The following MACROD2 variants were observed in gnomAD, a reference collection of about 807,000 sequenced individuals.
The protein encoded by MACROD2 is mono-ADP ribosylhydrolase 2.
MACROD2 carries 36 observed loss-of-function variants against 70.4 expected under a neutral mutation model. The observed-to-expected ratio is 0.51, with a 90% confidence interval of 0.39 to 0.68. The LOEUF (loss-of-function observed/expected upper bound fraction) is 0.68, where lower values mean the gene tolerates loss of function less well. MACROD2 is among the 30% of genes least tolerant of loss of function. MACROD2 has a pLI of 0.00. For missense variants in MACROD2, 496 were observed against 538.4 expected (o/e 0.92, Z 0.78); for synonymous variants, 172 against 178.8 (o/e 0.96, Z 0.30).
chr20:14,717,046 G>A (rs1380933875), intron 5 of MACROD2, among the ~76,000 whole-genome samples: 2 of 151,956 alleles, frequency 1.3e-5, no homozygotes, highest in African/African-American at 2.4e-5. Flanking sequence ...AAATTTGGGG[G>A]TATTGAACCT....
chr20:15,001,294 A>G (rs1010784800), intron 5 of MACROD2, among the ~76,000 whole-genome samples: 1 of 152,236 alleles, frequency 6.6e-6, no homozygotes, highest in African/African-American at 2.4e-5. Flanking sequence ...TCAACACTCA[A>G]TTACGCAGGG....
At chr20:14,681,937 G>C (rs1302234869) in intron 4 of MACROD2, among the ~76,000 whole-genome samples, 1 of 152,078 alleles carries the variant, frequency 6.6e-6, no homozygotes, top group African/African-American at 2.4e-5. Context: ...TAAGATCCTA[G>C]GAAATGGAGA....
chr20:15,778,702 A>G lies in MACROD2; in HGVS notation c.646-84043A>G, dbSNP rs2051775412. 2.0e-5 allele frequency among the ~76,000 whole-genome samples: 3 copies of G among 152,062 alleles called. No individual in the cohort carries two copies. In the South Asian group the frequency reaches 6.2e-4, roughly 32 times the overall value. On this transcript the variant is annotated intron_variant, in intron 8 of 17. Transcript: ENST00000684519. ...TGTACCTTTAGGTACAGAGGTTGAA[A>G]TGAATGAACTGTTATCTTAGATAGT...
intron 8 of MACROD2, among the ~76,000 whole-genome samples, chr20:15,761,329 A>T (rs961834117): frequency 6.6e-6 from 1 of 152,230 alleles, no homozygotes; most frequent in African/African-American, 2.4e-5. Context: ...TATAGGCCTG[A>T]ACCTCTGTGC....
At chr20:15,828,834 T>A (rs941847554) in intron 8 of MACROD2, among the ~76,000 whole-genome samples, 5 of 152,250 alleles carry the variant, frequency 3.3e-5, no homozygotes, top group Non-Finnish European at 7.3e-5. Context: ...ATCTATTGAA[T>A]AAATAGTGGG....
rs143546568 is a variant in MACROD2 at position 15,373,209 on chromosome 20, G to T, written c.541-58196G>T. On this transcript the variant is annotated intron_variant, in intron 6 of 17. Coordinates refer to ENST00000684519, the MANE Select transcript of MACROD2 (RefSeq NM_001351661.2). ...GGCCATGTTTCTATAAATGTACAAC[G>T]CTATTTCTGTGACCTCTTTTTGTTG... Among the ~76,000 whole-genome samples, 115 of 152,118 alleles carry T rather than the reference G, an allele frequency of 7.6e-4. 2 individuals are homozygous for T. In the East Asian group the frequency reaches 0.019, roughly 26 times the overall value.
intron 5 of MACROD2, among the ~76,000 whole-genome samples, chr20:14,732,063 T>C (rs556146292): frequency 1.2e-4 from 18 of 152,204 alleles, no homozygotes; most frequent in Non-Finnish European, 2.5e-4. Flanking sequence ...CTGTAAGGTC[T>C]TAATTTTTAA....
chr20:14,431,433 C>T (rs2083993704), intron 3 of MACROD2, among the ~76,000 whole-genome samples: 1 of 152,088 alleles, frequency 6.6e-6, no homozygotes, highest in Non-Finnish European at 1.5e-5. Flanking sequence ...TTCTTTAAAA[C>T]TACTAAAAAC....
At chr20:14,677,897 A>AT (rs1312043833) in intron 4 of MACROD2, among the ~76,000 whole-genome samples, 6 of 152,090 alleles carry the variant, frequency 3.9e-5, no homozygotes, top group African/African-American at 7.2e-5. Context: ...ATAAAAGCTG[A>AT]TTTTTTTGCA....
Position 15,621,289 on chromosome 20 carries a change from A to T in MACROD2, c.645+121442A>T, listed in dbSNP as rs546324922. On this transcript the variant is annotated intron_variant, in intron 8 of 17. Coordinates refer to ENST00000684519, the MANE Select transcript of MACROD2 (RefSeq NM_001351661.2). The stretch of plus-strand genomic sequence containing the variant: ...CCCACCTGTTTGGAACAACATCAGC[A>T]TTGCATATTGGCCTCAAATGAGTTA... Among the ~76,000 whole-genome samples the T allele has an allele frequency of 3.3e-5, 5 of 152,316 alleles. No homozygotes were observed. The South Asian group carries it at 1.0e-3, about 32-fold the overall frequency.
intron 3 of MACROD2, among the ~76,000 whole-genome samples, chr20:14,366,985 C>T (rs2083278994): frequency 6.6e-6 from 1 of 152,090 alleles, no homozygotes; most frequent in African/African-American, 2.4e-5. Flanking sequence ...TCATTTGCTT[C>T]TCTACTGCCA....
At chr20:15,357,025 A>G (rs1353786892) in intron 6 of MACROD2, among the ~76,000 whole-genome samples, 1 of 152,194 alleles carries the variant, frequency 6.6e-6, no homozygotes, top group East Asian at 1.9e-4. Flanking sequence ...CTTTATATGA[A>G]TAGAAAGAAG....
chr20:15,439,298 C>T (rs137990854), intron 7 of MACROD2, among the ~76,000 whole-genome samples: 37 of 152,214 alleles, frequency 2.4e-4, no homozygotes, highest in Non-Finnish European at 4.9e-4. Flanking sequence ...GATTTATGCC[C>T]CAAAAGTCCA....
At chr20:15,650,559 A>G (rs2049627723) in intron 8 of MACROD2, among the ~76,000 whole-genome samples, 1 of 152,224 alleles carries the variant, frequency 6.6e-6, no homozygotes, top group South Asian at 2.1e-4. Flanking sequence ...GAAAATGACC[A>G]TCTGTGTTCA....
At chr20:15,946,927 C>T (rs6135615) in intron 12 of MACROD2, among the ~76,000 whole-genome samples, 37,912 of 152,030 alleles carry the variant, frequency 0.25, 4,840 homozygotes, top group South Asian at 0.44. Flanking sequence ...CAAGAAAACA[C>T]GTGAGCAAAG....
chr20:16,044,529 G>A (rs757872019), intron 16 of MACROD2, 42 bp from the exon 17 acceptor site: 66 of 1,536,392 alleles, frequency 4.3e-5, no homozygotes, highest in Non-Finnish European at 5.6e-5. Flanking sequence ...CAGAGATTTA[G>A]GTTTAATGAA....
chr20:14,337,371 A>G (rs994513248), intron 3 of MACROD2: 1 of 311,850 alleles, frequency 3.2e-6, no homozygotes, highest in Non-Finnish European at 5.8e-6. Flanking sequence ...ACTTTCTGGG[A>G]CAATCATAAG....
At chr20:14,922,331 T>G (rs979327392) in intron 5 of MACROD2, among the ~76,000 whole-genome samples, 3 of 152,178 alleles carry the variant, frequency 2.0e-5, no homozygotes, top group African/African-American at 7.2e-5. Context: ...ACCTAGGTAT[T>G]CATAAGGTGA....
chr20:15,989,557 C>G (rs6074986), intron 15 of MACROD2, among the ~76,000 whole-genome samples: 55,163 of 151,896 alleles, frequency 0.36, 11,198 homozygotes, highest in Non-Finnish European at 0.43. Flanking sequence ...CAAAAGAAAA[C>G]TAGTAAATAA....
Sources: allele counts gnomAD v4.1 joint callset (sites outside exome capture counted in the v4.1 genomes callset), GRCh38; gene constraint gnomAD v4.1.1; transcripts MANE v1.5; gene names NCBI Gene and HGNC (gene_info 2026-07-23, HGNC 2026-07-21).